Variants in NBEA observed in about 807,000 individuals in gnomAD.
NBEA encodes neurobeachin.
In NBEA, 44 loss-of-function variants were observed where a neutral mutation model predicts 343.4. The ratio of observed to expected loss-of-function variants is 0.13; its 90% CI spans 0.10 to 0.16. NBEA has a LOEUF of 0.16. NBEA is among the 10% of genes least tolerant of loss of function. The probability of loss-of-function intolerance (pLI) is 1.00; values close to 1 mark genes in which losing one functional copy is unlikely to be tolerated. For synonymous variants in NBEA, 1,175 were observed against 1,238.7 expected, an observed-to-expected ratio of 0.95 and a Z score of 1.08; for missense variants, 2,555 against 3,631.3, an observed-to-expected ratio of 0.70 and a Z score of 7.62.
At chr13:35,209,336 C>T (rs536262300) in intron 32 of NBEA, among the ~76,000 whole-genome samples, 1 of 152,122 alleles carries the variant, frequency 6.6e-6, no homozygotes, top group Admixed American at 6.6e-5. Flanking sequence ...GCAAGCGCCT[C>T]AACTTGATAA....
chr13:35,334,480 G>A (rs368587841), intron 36 of NBEA, among the ~76,000 whole-genome samples: 3 of 152,282 alleles, frequency 2.0e-5, no homozygotes, highest in East Asian at 3.9e-4. Flanking sequence ...CTGTTGGCCA[G>A]GCTAGTCTCG....
intron 38 of NBEA, among the ~76,000 whole-genome samples, chr13:35,427,835 G>A (rs12584807): frequency 0.13 from 19,982 of 152,112 alleles, 1,417 homozygotes; most frequent in East Asian, 0.25. Context: ...CAGCAATGGC[G>A]GGCGCCCCTT....
At chr13:35,262,380 A>G (rs953961966) in intron 34 of NBEA, among the ~76,000 whole-genome samples, 1 of 152,206 alleles carries the variant, frequency 6.6e-6, no homozygotes, top group Non-Finnish European at 1.5e-5. Flanking sequence ...CTATAAATCA[A>G]TGTTCACATC....
At chr13:35,581,181 C>G (rs570108717) in intron 45 of NBEA, among the ~76,000 whole-genome samples, 1 of 152,054 alleles carries the variant, frequency 6.6e-6, no homozygotes, top group Non-Finnish European at 1.5e-5. Context: ...GTTCTAGATC[C>G]TTGAGGAATC....
In NBEA at chr13:35,570,010, TTTTG is replaced by T. The variant is rs373116287; in HGVS notation, c.7035+3018_7035+3021del. On this transcript the variant is annotated intron_variant, in intron 45 of 58. Transcript: ENST00000379939. ...AACTGAAGATATAAACATTTCAAGG[TTTTG>T]TTTGTTTGTTTGTTTGTTTGTTTGC... 6.8e-3 allele frequency among the ~76,000 whole-genome samples: 1,040 copies of T among 152,040 alleles called. 2 individuals are homozygous for T. The highest frequency in any genetic ancestry group is 0.012 in the African/African-American group (504 of 41,474).
At chr13:35,293,251 T>C (rs1050701682) in intron 35 of NBEA, among the ~76,000 whole-genome samples, 1 of 151,980 alleles carries the variant, frequency 6.6e-6, no homozygotes. Flanking sequence ...TACCCCCCAA[T>C]GTAATTTTTC....
intron 38 of NBEA, among the ~76,000 whole-genome samples, chr13:35,367,692 G>A (rs2041200878): frequency 6.6e-6 from 1 of 151,138 alleles, no homozygotes; most frequent in African/African-American, 2.4e-5. Flanking sequence ...GAATTTTTAT[G>A]CCTGTTTTGA....
At chr13:35,534,969 T>C (rs1344241110) in intron 41 of NBEA, among the ~76,000 whole-genome samples, 1 of 152,020 alleles carries the variant, frequency 6.6e-6, no homozygotes, top group Admixed American at 6.6e-5. Flanking sequence ...AAAAAAAGAA[T>C]AAAAACTCAG....
At chr13:35,382,368 A>G (rs931939168) in intron 38 of NBEA, among the ~76,000 whole-genome samples, 11 of 152,178 alleles carry the variant, frequency 7.2e-5, no homozygotes, top group African/African-American at 2.7e-4. Context: ...AATATTCAGA[A>G]CAAATAATGT....
chr13:35,654,457 T>C (rs1287919563), intron 53 of NBEA, among the ~76,000 whole-genome samples: 1 of 152,238 alleles, frequency 6.6e-6, no homozygotes, highest in Non-Finnish European at 1.5e-5. Flanking sequence ...GGGCAAATAT[T>C]AATATATCTC....
At chr13:35,409,477 T>A (rs1461270248) in intron 38 of NBEA, among the ~76,000 whole-genome samples, 1 of 152,024 alleles carries the variant, frequency 6.6e-6, no homozygotes, top group East Asian at 1.9e-4. Flanking sequence ...CCTGCACAAG[T>A]ACCCCTGAAC....
At chr13:35,109,818 CAT>C (rs1224429355) in intron 12 of NBEA, among the ~76,000 whole-genome samples, 3 of 151,762 alleles carry the variant, frequency 2.0e-5, no homozygotes, top group African/African-American at 4.8e-5. Flanking sequence ...TATATCATGA[CAT>C]GTAAATAATA....
chr13:35,040,959 G>A lies in NBEA; in HGVS notation c.321G>A (p.Glu107=). 1 of 1,613,088 alleles carries A rather than the reference G, an allele frequency of 6.2e-7. No individual in the cohort carries two copies. The highest frequency in any genetic ancestry group is 1.7e-5 in the Admixed American group (1 of 59,954). ...NLLVGGEFDL[E]MNFIIQDAES... ...TGGTTGGTGGAGAATTTGACTTGGA[G>A]ATGAACTTTATTATCCAGGATGCTG... The change falls in exon 2 of 59, where the codon GAG becomes GAA. Residue 107 remains glutamate (E), a synonymous_variant. Transcript: ENST00000379939.
chr13:35,670,069 G>A (rs3794389), intron 58 of NBEA, among the ~76,000 whole-genome samples: 24,050 of 152,126 alleles, frequency 0.16, 2,060 homozygotes, highest in East Asian at 0.26. Context: ...ATAATGAATA[G>A]TGCATGCATA....
Position 35,176,978 on chromosome 13 carries a change from T to C in NBEA, c.4555-18T>C, listed in dbSNP as rs529619000. 1 of 1,463,444 alleles carries C rather than the reference T, an allele frequency of 6.8e-7. No homozygotes were observed. The highest frequency in any genetic ancestry group is 2.4e-5 in the East Asian group (1 of 41,122). 90.7% of individuals were successfully genotyped at this position (1,463,444 alleles called of 1,614,324 possible). ...TCTGTAATATATTATCTATTCACAA[T>C]TCTTTTTATTTTCAAAGACTCCATT... On this transcript the variant is annotated intron_variant, in intron 27 of 58. Transcript: ENST00000379939.
chr13:35,130,609 T>TA (rs1468391925), intron 17 of NBEA, among the ~76,000 whole-genome samples: 1 of 151,974 alleles, frequency 6.6e-6, no homozygotes, highest in Admixed American at 6.6e-5. Flanking sequence ...AAGAGTATTT[T>TA]ACAAATTTTA....
intron 38 of NBEA, among the ~76,000 whole-genome samples, chr13:35,425,250 T>C (rs1207128857): frequency 6.6e-6 from 1 of 152,194 alleles, no homozygotes; most frequent in Non-Finnish European, 1.5e-5. Context: ...GGGTGTCAAT[T>C]TTAAATCTTT....
Position 35,606,535 on chromosome 13 carries a change from C to G in NBEA, c.7406C>G (p.Pro2469Arg). 1.2e-6 allele frequency: 2 copies of G among 1,606,998 alleles called. No individual in the cohort carries two copies. Among genetic ancestry groups the G allele is most frequent in the Non-Finnish European group, 1.7e-6 (2 of 1,175,598 alleles). The change falls in exon 48 of 59, where the codon CCT becomes CGT. Residue 2469 changes from proline to arginine, a missense_variant. Transcript: ENST00000379939. ...GTGGTAAATGATGTTGATCTTCCCC[C>G]TTGGGCAAAAAAACCTGAAGACTTT... ...EVVVNDVDLP[P>R]WAKKPEDFVR...
chr13:35,356,198 C>T (rs2040482116), intron 38 of NBEA, among the ~76,000 whole-genome samples: 2 of 152,010 alleles, frequency 1.3e-5, no homozygotes, highest in Admixed American at 1.3e-4. Context: ...TTTTATTTAA[C>T]TTTATAAAAT....
Sources: gnomAD v4.1 joint callset for allele counts (sites outside exome capture counted in the v4.1 genomes callset) on GRCh38, gnomAD v4.1.1 for gene constraint, MANE v1.5 for transcripts, NCBI Gene and HGNC (gene_info 2026-07-23, HGNC 2026-07-21) for gene names.